The following DHRS13 variants were observed in gnomAD, a reference collection of about 807,000 sequenced individuals.
DHRS13 encodes the protein dehydrogenase/reductase 13.
Under a neutral mutation model 17.9 loss-of-function variants are expected in DHRS13, and 22 were observed. That is an observed-to-expected ratio of 1.23 (90% CI 0.88 to 1.75). DHRS13 has a LOEUF of 1.75. Among genes scored for constraint, DHRS13 ranks in the 40% most tolerant of loss-of-function variants. The pLI is 0.00. For missense variants in DHRS13, 483 were observed against 519.9 expected (o/e 0.93, Z 0.69); for synonymous variants, 206 against 220.4 (o/e 0.93, Z 0.58).
In DHRS13 at chr17:28,902,690, C is replaced by T. The variant is rs915210604; in HGVS notation, c.139G>A (p.Gly47Ser). The part of the protein sequence containing the change: ...RTAVVTGANS[G>S]IGKMTALELA... ...TCCAGCGCCGTCATCTTTCCGATGC[C>T]GCTGTTGGCGCCTGCGGACCGCGGG... The change falls in exon 2 of 5, where the codon GGC (glycine) becomes AGC (serine). Residue 47 changes from glycine (G) to serine (S), a missense_variant. By Grantham distance (56) the Gly-to-Ser change is moderately conservative. Coordinates refer to ENST00000378895, the MANE Select transcript of DHRS13 (RefSeq NM_144683.4). This position sits in a 1 kb window ranked among gnomAD's most constrained non-coding sequence, Gnocchi z 4.0. The T allele has an allele frequency of 1.3e-5, 18 of 1,375,874 alleles. No homozygotes were observed. Among genetic ancestry groups the T allele is most frequent in the Non-Finnish European group, 1.9e-6 (2 of 1,071,860 alleles). The allele number at this position is 1,375,874 out of a possible 1,614,324, so 85.2% of individuals were successfully genotyped here.
chr17:28,900,384 G>A (rs984730587), intron 4 of DHRS13, among the ~76,000 whole-genome samples: 4 of 152,192 alleles, frequency 2.6e-5, no homozygotes, highest in Non-Finnish European at 5.9e-5. Flanking sequence ...TCCCCAGTGA[G>A]CCATGTATCT....
Position 28,899,114 on chromosome 17 carries a change from G to A in DHRS13, c.683-222C>T. On this transcript the variant is annotated intron_variant, in intron 4 of 4. Coordinates refer to ENST00000378895, the MANE Select transcript of DHRS13 (RefSeq NM_144683.4). The surrounding 1 kb of genome is among the most constrained non-coding windows in gnomAD (Gnocchi z 4.7). ...ACAGAATCTGGTTTCAAGGGAACCAGGATAGTATTTACCAGGCATTCGGGG... is the reference window on the plus strand; with the variant it reads ...ACAGAATCTGGTTTCAAGGGAACCAAGATAGTATTTACCAGGCATTCGGGG... 1 of 504,676 alleles carries A rather than the reference G, an allele frequency of 2.0e-6. No individual in the cohort carries two copies. Among genetic ancestry groups the A allele is most frequent in the East Asian group, 3.6e-5 (1 of 27,976 alleles). The allele number at this position is 504,676 out of a possible 1,614,324, so 31.3% of individuals were successfully genotyped here.
chr17:28,902,182 T>C lies in DHRS13; in HGVS notation c.246+401A>G, dbSNP rs1488985349. 5.8e-6 allele frequency: 1 copy of C among 170,960 alleles called. No individual in the cohort carries two copies. Among genetic ancestry groups the C allele is most frequent in the African/African-American group, 2.4e-5 (1 of 41,880 alleles). The allele number at this position is 170,960 out of a possible 1,614,324, so 10.6% of individuals were successfully genotyped here. ...AGCTTCTCAATAGGCTCTAGAATGT[T>C]CTCCAGCCCCCTCATTTGCCCATCT... On this transcript the variant is annotated intron_variant, in intron 2 of 4. Transcript: ENST00000378895. This position sits in a 1 kb window ranked among gnomAD's most constrained non-coding sequence, Gnocchi z 4.0.
At position 28,899,035 on chromosome 17, in the gene DHRS13, C is replaced by T; in HGVS notation, c.683-143G>A. 1 of 643,458 alleles carries T rather than the reference C, an allele frequency of 1.6e-6. No individual in the cohort carries two copies. The highest frequency in any genetic ancestry group is 2.5e-5 in the South Asian group (1 of 40,102). The allele number at this position is 643,458 out of a possible 1,614,324, so 39.9% of individuals were successfully genotyped here. A position where few individuals can be genotyped will look rare whatever the true frequency, so the allele number is the denominator to read the frequency against. On this transcript the variant is annotated intron_variant, in intron 4 of 4. Coordinates refer to ENST00000378895, the MANE Select transcript of DHRS13 (RefSeq NM_144683.4). This position sits in a 1 kb window ranked among gnomAD's most constrained non-coding sequence, Gnocchi z 4.7. ...TGGGCAACATAGTCAAGCTCTGTCT[C>T]TTTAAAAAAAAAAACAACAACAAAA... is the stretch of plus-strand genomic sequence containing the variant.
chr17:28,898,774 A>G lies in DHRS13; in HGVS notation c.801T>C (p.Tyr267=). The G allele has an allele frequency of 6.2e-7, 1 of 1,613,318 alleles. No homozygotes were observed. The highest frequency in any genetic ancestry group is 1.7e-5 in the Admixed American group (1 of 59,892). The change falls in exon 5 of 5, where the codon TAT becomes TAC. Residue 267 remains tyrosine (Y), a synonymous_variant. Transcript: ENST00000378895. ...GCTCGATGCCCTCTTGTAGAGCACA[A>G]TACAGGGGTGTCTGGGCACCCCCTC... The part of the protein sequence containing the change: ...APRGGAQTPL[Y]CALQEGIEPL...
chr17:28,899,176 G>T lies in DHRS13; in HGVS notation c.683-284C>A. On this transcript the variant is annotated intron_variant, in intron 4 of 4. Coordinates refer to ENST00000378895, the MANE Select transcript of DHRS13 (RefSeq NM_144683.4). This position sits in a 1 kb window ranked among gnomAD's most constrained non-coding sequence, Gnocchi z 4.7. ...TGACTTCACTCATTTCCTGCATGAA[G>T]CCTCTTCGCTTCCATCCAGACTGCT... 1 of 337,210 alleles carries T rather than the reference G, an allele frequency of 3.0e-6. No homozygotes were observed. Among genetic ancestry groups the T allele is most frequent in the Non-Finnish European group, 5.4e-6 (1 of 184,840 alleles). The allele number at this position is 337,210 out of a possible 1,614,324, so 20.9% of individuals were successfully genotyped here. A position where few individuals can be genotyped will look rare whatever the true frequency, so the allele number is the denominator to read the frequency against.
Position 28,898,681 on chromosome 17 carries a change from C to T in DHRS13, c.894G>A (p.Arg298=), listed in dbSNP as rs980943413. The T allele has an allele frequency of 5.6e-6, 9 of 1,613,584 alleles. No homozygotes were observed. Among genetic ancestry groups the T allele is most frequent in the Non-Finnish European group, 6.8e-6 (8 of 1,179,758 alleles). ...TGGCCTCCCATAGCCGATGGGCTGC[C>T]CGGTCGTCTCGGGCAGCTGGAGGCA... ...EEVPPAARDD[R]AAHRLWEASK... is the part of the protein sequence containing the mutation. The change falls in exon 5 of 5, where the codon CGG becomes CGA. Residue 298 remains arginine, a synonymous_variant. Coordinates refer to ENST00000378895, the MANE Select transcript of DHRS13 (RefSeq NM_144683.4).
chr17:28,900,023 C>T (rs1385714536), intron 4 of DHRS13, among the ~76,000 whole-genome samples: 1 of 152,206 alleles, frequency 6.6e-6, no homozygotes. Flanking sequence ...AAGCGATTCT[C>T]CTGCCTCAGC....
Position 28,902,650 on chromosome 17 carries a change from C to A in DHRS13, c.179G>T (p.Gly60Val). 6.9e-7 allele frequency: 1 copy of A among 1,439,486 alleles called. No individual in the cohort carries two copies. Among genetic ancestry groups the A allele is most frequent in the Non-Finnish European group, 9.1e-7 (1 of 1,103,906 alleles). The allele number at this position is 1,439,486 out of a possible 1,614,324, so 89.2% of individuals were successfully genotyped here. Reference protein sequence around the residue: ...KMTALELARRGARVVLACRSQ... With the variant: ...KMTALELARRVARVVLACRSQ... The stretch of plus-strand genomic sequence containing the variant: ...GCGGCAGGCCAGCACCACGCGCGCT[C>A]CCCGGCGCGCCAGCTCCAGCGCCGT... Residue 60 changes from glycine (G) to valine (V), a missense_variant, in exon 2 of 5, where the codon GGA becomes GTA. Gly to Val is a moderately radical substitution (Grantham distance 109, BLOSUM62 -3). Transcript: ENST00000378895. The surrounding 1 kb of genome is among the most constrained non-coding windows in gnomAD (Gnocchi z 4.0).
In DHRS13 at chr17:28,898,762, T is replaced by A. The variant is rs749532920; in HGVS notation, c.813A>T (p.Gln271His). 6.2e-7 allele frequency: 1 copy of A among 1,613,702 alleles called. No homozygotes were observed. The highest frequency in any genetic ancestry group is 8.5e-7 in the Non-Finnish European group (1 of 1,179,862). The change falls in exon 5 of 5, where the codon CAA becomes CAT. Residue 271 changes from glutamine to histidine, a missense_variant. Coordinates refer to ENST00000378895, the MANE Select transcript of DHRS13 (RefSeq NM_144683.4). ...GAQTPLYCAL[Q>H]EGIEPLSGRY... is the part of the protein sequence containing the mutation. ...TCCCACTGAGGGGCTCGATGCCCTC[T>A]TGTAGAGCACAATACAGGGGTGTCT...
rs576121701 is a variant in DHRS13, at chr17:28,899,410, T to C, written c.683-518A>G. 5.4e-4 allele frequency: 84 copies of C among 154,186 alleles called. No individual in the cohort carries two copies. Among genetic ancestry groups the C allele is most frequent in the Non-Finnish European group, 8.4e-4 (58 of 69,312 alleles). 9.6% of individuals were successfully genotyped at this position (154,186 alleles called of 1,614,324 possible). A position where few individuals can be genotyped will look rare whatever the true frequency, so the allele number is the denominator to read the frequency against. On this transcript the variant is annotated intron_variant, in intron 4 of 4. Transcript: ENST00000378895. The surrounding 1 kb of genome is among the most constrained non-coding windows in gnomAD (Gnocchi z 4.7). ...TAAAGGCTAATTGTGATCATCGCTA[T>C]TATAATTACTAATGAGCCTTAGGCA...
intron 4 of DHRS13, 38 bp downstream of exon 4, chr17:28,900,952 A>G: frequency 6.5e-7 from 1 of 1,548,028 alleles, no homozygotes; most frequent in Non-Finnish European, 8.8e-7. Context: ...GGGCAAGGAA[A>G]GGAGAGGGGA....
rs1567942716 is a variant in DHRS13, at chr17:28,901,635, T to A, written c.247-19A>T. On this transcript the variant is annotated intron_variant, in intron 2 of 4. Transcript: ENST00000378895. This position sits in a 1 kb window ranked among gnomAD's most constrained non-coding sequence, Gnocchi z 4.3. ...CACTCTCCTGTGGAGAGGCAAGGGC[T>A]GGGCTTGTCACCAGGCATCTCTCTC... 6.2e-7 allele frequency: 1 copy of A among 1,612,698 alleles called. No individual in the cohort carries two copies. Among genetic ancestry groups the A allele is most frequent in the Non-Finnish European group, 8.5e-7 (1 of 1,178,778 alleles).
Position 28,898,264 on chromosome 17 carries a change from T to C in DHRS13, c.*177A>G, listed in dbSNP as rs1008448811. On this transcript the variant is annotated 3_prime_UTR_variant, in exon 5 of 5. Coordinates refer to ENST00000378895, the MANE Select transcript of DHRS13 (RefSeq NM_144683.4). Reference sequence around the variant, plus strand: ...GGTTACTGTCACTCTCAGGAAGAAATAATCACCCATTATTCCTTCAACCAG... The same window carrying C: ...GGTTACTGTCACTCTCAGGAAGAAACAATCACCCATTATTCCTTCAACCAG... 1.6e-6 allele frequency: 1 copy of C among 638,676 alleles called. No homozygotes were observed. The highest frequency in any genetic ancestry group is 2.6e-6 in the Non-Finnish European group (1 of 381,100). 39.6% of individuals were successfully genotyped at this position (638,676 alleles called of 1,614,324 possible). A position where few individuals can be genotyped will look rare whatever the true frequency, so the allele number is the denominator to read the frequency against.
Position 28,901,843 on chromosome 17 carries a change from T to A in DHRS13, c.247-227A>T. 1.7e-6 allele frequency: 1 copy of A among 595,852 alleles called. No individual in the cohort carries two copies. The highest frequency in any genetic ancestry group is 2.8e-6 in the Non-Finnish European group (1 of 352,406). The allele number at this position is 595,852 out of a possible 1,614,324, so 36.9% of individuals were successfully genotyped here. ...TCTGGGTCTCAGTTCTCTCACTGCG[T>A]AAAGGGAATAATAATAACAACAGTC... is the stretch of plus-strand genomic sequence containing the variant. On this transcript the variant is annotated intron_variant, in intron 2 of 4. Coordinates refer to ENST00000378895, the MANE Select transcript of DHRS13 (RefSeq NM_144683.4). The surrounding 1 kb of genome is among the most constrained non-coding windows in gnomAD (Gnocchi z 4.3).
Position 28,901,851 on chromosome 17 carries a change from A to T in DHRS13, c.247-235T>A, listed in dbSNP as rs563913033. 1.7e-6 allele frequency: 1 copy of T among 577,620 alleles called. No individual in the cohort carries two copies. The highest frequency in any genetic ancestry group is 2.3e-5 in the South Asian group (1 of 43,438). The allele number at this position is 577,620 out of a possible 1,614,324, so 35.8% of individuals were successfully genotyped here. A position where few individuals can be genotyped will look rare whatever the true frequency, so the allele number is the denominator to read the frequency against. ...TCAGTTCTCTCACTGCGTAAAGGGA[A>T]TAATAATAACAACAGTCCCAATCTC... On this transcript the variant is annotated intron_variant, in intron 2 of 4. Coordinates refer to ENST00000378895, the MANE Select transcript of DHRS13 (RefSeq NM_144683.4). The surrounding 1 kb of genome is among the most constrained non-coding windows in gnomAD (Gnocchi z 4.3).
chr17:28,899,097 T>C lies in DHRS13; in HGVS notation c.683-205A>G. On this transcript the variant is annotated intron_variant, in intron 4 of 4. Transcript: ENST00000378895. This position sits in a 1 kb window ranked among gnomAD's most constrained non-coding sequence, Gnocchi z 4.7. Reference sequence around the variant, plus strand: ...GAGCTAGAAGAACAGGGACAGAATCTGGTTTCAAGGGAACCAGGATAGTAT... The same window carrying C: ...GAGCTAGAAGAACAGGGACAGAATCCGGTTTCAAGGGAACCAGGATAGTAT... The C allele has an allele frequency of 1.9e-6, 1 of 538,442 alleles. No homozygotes were observed. 33.4% of individuals were successfully genotyped at this position (538,442 alleles called of 1,614,324 possible).
chr17:28,898,181 A>G lies in DHRS13; in HGVS notation c.*260T>C. The G allele has an allele frequency of 2.0e-6, 1 of 499,562 alleles. No homozygotes were observed. Among genetic ancestry groups the G allele is most frequent in the Non-Finnish European group, 3.5e-6 (1 of 285,230 alleles). The allele number at this position is 499,562 out of a possible 1,614,324, so 30.9% of individuals were successfully genotyped here. On this transcript the variant is annotated 3_prime_UTR_variant, in exon 5 of 5. Coordinates refer to ENST00000378895, the MANE Select transcript of DHRS13 (RefSeq NM_144683.4). ...ATCAATAAGGGTGGGGCCTGAAAAT[A>G]CTACATCCAAATTTCCGAGAAGCAC...
intron 4 of DHRS13, among the ~76,000 whole-genome samples, chr17:28,900,310 T>A (rs1381071139): frequency 6.6e-6 from 1 of 152,240 alleles, no homozygotes; most frequent in African/African-American, 2.4e-5. Context: ...ATTACAGGCA[T>A]GAGCCACCGC....
Sources: allele counts gnomAD v4.1 joint callset (sites outside exome capture counted in the v4.1 genomes callset), GRCh38; gene constraint gnomAD v4.1.1; non-coding constraint Gnocchi (gnomAD v3.1); transcripts MANE v1.5; gene names NCBI Gene and HGNC (gene_info 2026-07-23, HGNC 2026-07-21).